The following SCFD2 variants were observed in gnomAD, a reference collection of about 807,000 sequenced individuals.
SCFD2 encodes sec1 family domain-containing protein 2.
Under a neutral mutation model 58.9 loss-of-function variants are expected in SCFD2, and 54 were observed. The observed-to-expected ratio is 0.92, with a 90% CI of 0.74 to 1.15. The LOEUF (loss-of-function observed/expected upper bound fraction) is 1.15. SCFD2 is among the 50% of genes most tolerant of loss of function. The pLI is 0.00. For synonymous variants in SCFD2, 321 were observed against 335.9 expected (o/e 0.96, Z 0.49); for missense variants, 805 against 836.6 (o/e 0.96, Z 0.47).
At chr4:53,029,043 A>G (rs1239820100) in intron 5 of SCFD2, among the ~76,000 whole-genome samples, 1 of 152,218 alleles carries the variant, frequency 6.6e-6, no homozygotes, top group Non-Finnish European at 1.5e-5. Context: ...CCATTCCAGT[A>G]CAAAGAAGGC....
At chr4:52,987,739 AT>A (rs1721527676) in intron 5 of SCFD2, among the ~76,000 whole-genome samples, 1 of 152,170 alleles carries the variant, frequency 6.6e-6, no homozygotes, top group Non-Finnish European at 1.5e-5. Flanking sequence ...TACTTGACTT[AT>A]TTTTGTGCTT....
intron 4 of SCFD2, among the ~76,000 whole-genome samples, chr4:53,199,326 TC>T (rs1472686443): frequency 6.6e-6 from 1 of 152,122 alleles, no homozygotes; most frequent in East Asian, 1.9e-4. Context: ...TTCTCTCCCT[TC>T]TTTATCTATC....
At chr4:52,934,798 T>C (rs1720094468) in intron 5 of SCFD2, among the ~76,000 whole-genome samples, 1 of 152,240 alleles carries the variant, frequency 6.6e-6, no homozygotes, top group South Asian at 2.1e-4. Flanking sequence ...TGGAATTAAA[T>C]ATCCATTAAT....
chr4:53,275,618 T>C (rs1731303731), intron 3 of SCFD2, among the ~76,000 whole-genome samples: 1 of 152,236 alleles, frequency 6.6e-6, no homozygotes. Context: ...ACAGTCAAAA[T>C]ACAGAACATT....
At chr4:52,938,995 TC>T (rs1720216837) in intron 5 of SCFD2, among the ~76,000 whole-genome samples, 1 of 152,050 alleles carries the variant, frequency 6.6e-6, no homozygotes, top group African/African-American at 2.4e-5. Flanking sequence ...AATTTACCAC[TC>T]CCCCTTTTAC....
At chr4:53,330,141 G>C (rs1469624829) in intron 2 of SCFD2, among the ~76,000 whole-genome samples, 1 of 152,138 alleles carries the variant, frequency 6.6e-6, no homozygotes, top group African/African-American at 2.4e-5. Flanking sequence ...AAAGTGATGG[G>C]GAGAATGGAA....
intron 3 of SCFD2, among the ~76,000 whole-genome samples, chr4:53,282,807 A>T (rs1234791849): frequency 6.6e-6 from 1 of 152,196 alleles, no homozygotes; most frequent in African/African-American, 2.4e-5. Context: ...AACTATCATC[A>T]TGTGTGGTTT....
intron 3 of SCFD2, among the ~76,000 whole-genome samples, chr4:53,274,633 G>A (rs1731274472): frequency 6.6e-6 from 1 of 152,164 alleles, no homozygotes; most frequent in South Asian, 2.1e-4. Context: ...TAGAACAAGA[G>A]AGCCTACCTC....
intron 5 of SCFD2, among the ~76,000 whole-genome samples, chr4:53,095,876 G>C (rs4864719): frequency 0.97 from 147,566 of 152,012 alleles, 71,755 homozygotes; most frequent in Middle Eastern, 1. Flanking sequence ...CCCCCATCCC[G>C]ACCCCACAAC....
chr4:53,052,125 T>C (rs1262033412), intron 5 of SCFD2, among the ~76,000 whole-genome samples: 1 of 152,172 alleles, frequency 6.6e-6, no homozygotes, highest in Non-Finnish European at 1.5e-5. Flanking sequence ...ACTAATAAAA[T>C]CTAAGTTCCT....
chr4:53,250,531 T>G (rs1413699252), intron 4 of SCFD2, among the ~76,000 whole-genome samples: 3 of 152,020 alleles, frequency 2.0e-5, no homozygotes, highest in Admixed American at 6.6e-5. Context: ...GAACAGAAAT[T>G]ATAACAAACT....
chr4:53,060,711 T>C (rs546272551), intron 5 of SCFD2, among the ~76,000 whole-genome samples: 13 of 152,264 alleles, frequency 8.5e-5, no homozygotes, highest in African/African-American at 2.9e-4. Flanking sequence ...TCTATATATA[T>C]GTACTTTTGT....
chr4:53,354,365 C>A (rs547892949), intron 1 of SCFD2, among the ~76,000 whole-genome samples: 81 of 152,044 alleles, frequency 5.3e-4, no homozygotes, highest in Non-Finnish European at 1.0e-3. Flanking sequence ...GCCGGCCACT[C>A]CAAGTGTGGG....
At chr4:53,011,965 T>A (rs1250594860) in intron 5 of SCFD2, among the ~76,000 whole-genome samples, 2 of 151,212 alleles carry the variant, frequency 1.3e-5, no homozygotes, top group Admixed American at 6.6e-5. Flanking sequence ...GGATTTTTCA[T>A]TGAGAATAAG....
intron 5 of SCFD2, among the ~76,000 whole-genome samples, chr4:52,935,285 A>C (rs1054178080): frequency 6.6e-6 from 1 of 152,224 alleles, no homozygotes; most frequent in Non-Finnish European, 1.5e-5. Flanking sequence ...TTTCCACTTT[A>C]CATGCTTCTG....
At chr4:53,273,746 C>T (rs749115535) in intron 4 of SCFD2, 80 bp downstream of exon 4, 1 of 1,192,516 alleles carries the variant, frequency 8.4e-7, no homozygotes, top group Non-Finnish European at 1.2e-6. Context: ...ATTACTAAGG[C>T]TATAATAAAT....
intron 3 of SCFD2, among the ~76,000 whole-genome samples, chr4:53,285,354 T>C (rs1731632393): frequency 6.6e-6 from 1 of 152,024 alleles, no homozygotes; most frequent in East Asian, 1.9e-4. Context: ...TCTTGGTGGA[T>C]CCACTCTGAC....
At chr4:52,896,702 T>G (rs1239898894) in intron 7 of SCFD2, among the ~76,000 whole-genome samples, 3 of 152,192 alleles carry the variant, frequency 2.0e-5, no homozygotes, top group South Asian at 2.1e-4. Flanking sequence ...GTGAAGAAAG[T>G]CATTGGTAGC....
In SCFD2 at chr4:53,358,204, T is replaced by C. The variant is rs371832276; in HGVS notation, c.839-5438A>G. On this transcript the variant is annotated intron_variant, in intron 1 of 8. Coordinates refer to ENST00000401642, the MANE Select transcript of SCFD2 (RefSeq NM_152540.4). ...ATCATAATCCCAGGATTAAGAACCA[T>C]CCACTGGAATGAGAGTTAATCTTTA... Among the ~76,000 whole-genome samples, 5 of 152,160 alleles carry C rather than the reference T, an allele frequency of 3.3e-5. No individual in the cohort carries two copies. The South Asian group carries it at 6.2e-4, about 19-fold the overall frequency.
Sources: allele counts gnomAD v4.1 joint callset (sites outside exome capture counted in the v4.1 genomes callset), GRCh38; gene constraint gnomAD v4.1.1; transcripts MANE v1.5; gene names NCBI Gene and HGNC (gene_info 2026-07-23, HGNC 2026-07-21).